The following MS4A2 variants were observed in gnomAD, a reference collection of about 807,000 sequenced individuals.
MS4A2 encodes membrane spanning 4-domains A2, also known as high affinity immunoglobulin epsilon receptor subunit beta.
Under a neutral mutation model 27.9 loss-of-function variants are expected in MS4A2, and 26 were observed. That is an observed-to-expected ratio of 0.93 (90% CI 0.68 to 1.29). The LOEUF is 1.29. Ranked by LOEUF, MS4A2 falls within the 50% of genes most tolerant of loss-of-function variation. The pLI, the probability that MS4A2 is intolerant of heterozygous loss-of-function variation, is 0.00. For missense variants in MS4A2, 284 were observed against 284.6 expected, an observed-to-expected ratio of 1.00 and a Z score of 0.01; for synonymous variants, 110 against 98.8, an observed-to-expected ratio of 1.11 and a Z score of -0.67.
At chr11:60,094,645 C>T (rs1470129355) in intron 6 of MS4A2, among the ~76,000 whole-genome samples, 1 of 152,156 alleles carries the variant, frequency 6.6e-6, no homozygotes, top group Non-Finnish European at 1.5e-5. Context: ...GTCTAGCCAC[C>T]TTTTAAAATC....
upstream of MS4A2, chr11:60,088,636 A>G (rs1206841992): frequency 9.2e-6 from 14 of 1,529,942 alleles, no homozygotes; most frequent in Admixed American, 2.1e-5. Flanking sequence ...TGACTTATGT[A>G]TAAAGAGAAT....
intron 2 of MS4A2, 72 bp from the exon 3 acceptor site, chr11:60,090,264 C>T: frequency 6.7e-7 from 1 of 1,484,576 alleles, no homozygotes; most frequent in Non-Finnish European, 9.3e-7. Context: ...TGTTTGGCTT[C>T]TATTATTAAA....
Position 60,097,767 on chromosome 11 carries a change from A to G in MS4A2, c.*2111A>G, listed in dbSNP as rs1304315810. The stretch of plus-strand genomic sequence containing the variant: ...ATTTCCCTAGATTGTGAAAGTGATC[A>G]CGACAATCACACAACAAATAATTAA... On this transcript the variant is annotated 3_prime_UTR_variant, in exon 7 of 7. Coordinates refer to ENST00000278888, the MANE Select transcript of MS4A2 (RefSeq NM_000139.5). 7.9e-5 allele frequency: 12 copies of G among 152,242 alleles called. No homozygotes were observed. The highest frequency in any genetic ancestry group is 7.3e-5 in the Non-Finnish European group (5 of 68,042). The allele number at this position is 152,242 out of a possible 1,614,324, so 9.4% of individuals were successfully genotyped here.
rs1397884217 is a variant in MS4A2 at position 60,095,608 on chromosome 11, C to G, written c.687C>G (p.Tyr229Ter). 2 of 1,612,838 alleles carry G rather than the reference C, an allele frequency of 1.2e-6. No individual in the cohort carries two copies. The highest frequency in any genetic ancestry group is 1.7e-5 in the Admixed American group (1 of 60,010). ...AATTAAACATATATTCAGCTACTTACAGTGAGTTGGAAGACCCAGGGGAAA... is the reference window on the plus strand; with the variant it reads ...AATTAAACATATATTCAGCTACTTAGAGTGAGTTGGAAGACCCAGGGGAAA... ...YEELNIYSAT[Y>*]SELEDPGEMS... Residue 229 changes from tyrosine to a stop codon, truncating the protein, a stop_gained, in exon 7 of 7, where the codon TAC becomes TAG. Transcript: ENST00000278888. LOFTEE classifies it high-confidence loss of function.
upstream of MS4A2, chr11:60,088,517 T>G: frequency 2.9e-6 from 3 of 1,047,568 alleles, no homozygotes; most frequent in Non-Finnish European, 3.8e-6. Flanking sequence ...AGTCTCAAAT[T>G]TTCTTATTTC....
At chr11:60,094,864 C>T (rs760785132) in intron 6 of MS4A2, among the ~76,000 whole-genome samples, 11 of 152,098 alleles carry the variant, frequency 7.2e-5, no homozygotes, top group Non-Finnish European at 1.6e-4. Context: ...GAAAAGGAAA[C>T]ATTAGCCCAG....
chr11:60,092,965 G>C, intron 4 of MS4A2, 117 bp downstream of exon 4: 1 of 1,040,786 alleles, frequency 9.6e-7, no homozygotes, highest in East Asian at 2.5e-5. Flanking sequence ...GTGGATATAT[G>C]ATTTTGTTTC....
chr11:60,094,221 T>A (rs555140719), intron 6 of MS4A2, among the ~76,000 whole-genome samples, 159 bp downstream of exon 6: 1 of 152,352 alleles, frequency 6.6e-6, no homozygotes, highest in East Asian at 1.9e-4. Context: ...TTAAATCACA[T>A]TTTATACCCA....
chr11:60,093,802 T>TTGTG lies in MS4A2; in HGVS notation c.538-130_538-127dup, dbSNP rs60162275. ...TCTCTGGGTTTTTCTGTGCCTGTGT[T>TTGTG]TGTGTGTGTGTGTGTGTGTGTGTGT... On this transcript the variant is annotated intron_variant, in intron 5 of 6. Coordinates refer to ENST00000278888, the MANE Select transcript of MS4A2 (RefSeq NM_000139.5). 9.4e-3 allele frequency: 5,990 copies of TTGTG among 639,860 alleles called. 18 individuals carry two copies. The highest frequency in any genetic ancestry group is 0.018 in the African/African-American group (940 of 52,816). The allele number at this position is 639,860 out of a possible 1,614,324, so 39.6% of individuals were successfully genotyped here.
At chr11:60,091,399 T>C (rs1379756360) in intron 3 of MS4A2, among the ~76,000 whole-genome samples, 1 of 152,186 alleles carries the variant, frequency 6.6e-6, no homozygotes, top group African/African-American at 2.4e-5. Flanking sequence ...ATTGCAAGTA[T>C]TTCAGATGTA....
Position 60,093,919 on chromosome 11 carries a change from A to G in MS4A2, c.538-45A>G, listed in dbSNP as rs113519550. On this transcript the variant is annotated intron_variant, in intron 5 of 6. Coordinates refer to ENST00000278888, the MANE Select transcript of MS4A2 (RefSeq NM_000139.5). ...ATAAGAAAATAAACTTTTGGGGCGA[A>G]TACCATGTGACTCTTTTTGTTTGTC... 31 of 1,480,376 alleles carry G rather than the reference A, an allele frequency of 2.1e-5. 2 individuals carry two copies. In the African/African-American group the frequency reaches 2.9e-4, roughly 14 times the overall value. The allele number at this position is 1,480,376 out of a possible 1,614,324, so 91.7% of individuals were successfully genotyped here.
In MS4A2 at chr11:60,093,522, T is replaced by C. The variant is rs1250347528; in HGVS notation, c.501T>C (p.Phe167=). Residue 167 remains phenylalanine (F), a synonymous_variant, in exon 5 of 7, where the codon TTT becomes TTC. Transcript: ENST00000278888. ...TCCACATCCACAGTTGCCAGAAATT[T>C]TTTGAGACCAAGTGCTTTATGGCTT... The part of the protein sequence containing the change: ...AYIHIHSCQK[F]FETKCFMASF... The C allele has an allele frequency of 6.2e-7, 1 of 1,614,190 alleles. No homozygotes were observed. The highest frequency in any genetic ancestry group is 2.2e-5 in the East Asian group (1 of 44,888).
At position 60,095,550 on chromosome 11, in the gene MS4A2, C is replaced by G. The variant is rs762064907; in HGVS notation, c.637-8C>G. 6.3e-7 allele frequency: 1 copy of G among 1,577,930 alleles called. No individual in the cohort carries two copies. Among genetic ancestry groups the G allele is most frequent in the East Asian group, 2.2e-5 (1 of 44,670 alleles). On this transcript the variant is annotated splice_region_variant and splice_polypyrimidine_tract_variant and intron_variant, in intron 6 of 6. Coordinates refer to ENST00000278888, the MANE Select transcript of MS4A2 (RefSeq NM_000139.5). ...GTGATTGATATGAAATGATTTTTCC[C>G]TTATCAGGTTCCAGAGGATCGTGTT...
chr11:60,092,775 T>G lies in MS4A2; in HGVS notation c.322-17T>G, dbSNP rs746440072. ...CAAGAAACTCATTGTGGCTTTTTTT[T>G]CCTCCTTTTTGAACAGTTTTCTATT... is the stretch of plus-strand genomic sequence containing the variant. On this transcript the variant is annotated splice_polypyrimidine_tract_variant and intron_variant, in intron 3 of 6. Coordinates refer to ENST00000278888, the MANE Select transcript of MS4A2 (RefSeq NM_000139.5). The G allele has an allele frequency of 6.2e-7, 1 of 1,611,494 alleles. No individual in the cohort carries two copies. Among genetic ancestry groups the G allele is most frequent in the Non-Finnish European group, 8.5e-7 (1 of 1,178,082 alleles).
chr11:60,091,102 G>A (rs935667685), intron 3 of MS4A2, among the ~76,000 whole-genome samples: 1 of 152,144 alleles, frequency 6.6e-6, no homozygotes, highest in Non-Finnish European at 1.5e-5. Context: ...AGTGAGCTGA[G>A]ATTGTGCCAT....
In MS4A2 at chr11:60,095,685, A is replaced by G. The variant is rs777711318; in HGVS notation, c.*29A>G. 6.8e-7 allele frequency: 1 copy of G among 1,478,208 alleles called. No homozygotes were observed. Among genetic ancestry groups the G allele is most frequent in the African/African-American group, 1.4e-5 (1 of 72,128 alleles). The allele number at this position is 1,478,208 out of a possible 1,614,324, so 91.6% of individuals were successfully genotyped here. A position where few individuals can be genotyped will look rare whatever the true frequency, so the allele number is the denominator to read the frequency against. On this transcript the variant is annotated 3_prime_UTR_variant, in exon 7 of 7. Coordinates refer to ENST00000278888, the MANE Select transcript of MS4A2 (RefSeq NM_000139.5). ...TCACGTGTCCAGAACACTCTGATTCACAGCCAAGGATCCAGAAGGCCAAGG... is the reference window on the plus strand; with the variant it reads ...TCACGTGTCCAGAACACTCTGATTCGCAGCCAAGGATCCAGAAGGCCAAGG...
Position 60,088,685 on chromosome 11 carries a change from C to T in MS4A2, c.-81C>T. 3 of 1,559,492 alleles carry T rather than the reference C, an allele frequency of 1.9e-6. No individual in the cohort carries two copies. The highest frequency in any genetic ancestry group is 2.6e-6 in the Non-Finnish European group (3 of 1,150,050). On this transcript the variant is annotated 5_prime_UTR_variant, in exon 1 of 7. Transcript: ENST00000278888. The stretch of plus-strand genomic sequence containing the variant: ...AGGTAACCCATTTCAACTGCCTATT[C>T]AGAGCATGCAGTAAGAGGAAATCCA...
At chr11:60,093,813 T>A (rs1855816434) in intron 5 of MS4A2, 151 bp from the exon 6 acceptor site, 1 of 713,244 alleles carries the variant, frequency 1.4e-6, no homozygotes, top group South Asian at 1.6e-5. Context: ...TGTGTGTGTG[T>A]GTGTGTGTGT....
Position 60,095,897 on chromosome 11 carries a change from G to A in MS4A2, c.*241G>A, listed in dbSNP as rs1855861445. The A allele has an allele frequency of 7.6e-5, 39 of 510,850 alleles. 1 individual carries two copies. In the South Asian group the frequency reaches 8.1e-4, roughly 11 times the overall value. The allele number at this position is 510,850 out of a possible 1,614,324, so 31.6% of individuals were successfully genotyped here. A position where few individuals can be genotyped will look rare whatever the true frequency, so the allele number is the denominator to read the frequency against. On this transcript the variant is annotated 3_prime_UTR_variant, in exon 7 of 7. Coordinates refer to ENST00000278888, the MANE Select transcript of MS4A2 (RefSeq NM_000139.5). ...TTATATTATGACCACACACATCTCTGCTGGAAAGTCAACATGTAGTAAGCA... is the reference window on the plus strand; with the variant it reads ...TTATATTATGACCACACACATCTCTACTGGAAAGTCAACATGTAGTAAGCA...
Sources: allele counts gnomAD v4.1 joint callset (sites outside exome capture counted in the v4.1 genomes callset), GRCh38; gene constraint gnomAD v4.1.1; transcripts MANE v1.5; gene names NCBI Gene and HGNC (gene_info 2026-07-23, HGNC 2026-07-21).